The following HIP1R variants were observed in gnomAD, a reference collection of about 807,000 sequenced individuals.
HIP1R encodes huntingtin interacting protein 1 related.
In HIP1R, 135 loss-of-function variants were observed where a neutral mutation model predicts 144.2. The ratio of observed to expected loss-of-function variants is 0.94; its 90% CI spans 0.81 to 1.08. The LOEUF is 1.08. HIP1R is among the 50% of genes least tolerant of loss of function. HIP1R has a pLI of 0.00. For missense variants in HIP1R, 1,462 were observed against 1,432.8 expected (o/e 1.02, Z -0.33); for synonymous variants, 698 against 612.8 (o/e 1.14, Z -2.05).
chr12:122,837,187 T>C (rs1255774574), intron 1 of HIP1R, among the ~76,000 whole-genome samples: 1 of 152,138 alleles, frequency 6.6e-6, no homozygotes, highest in East Asian at 1.9e-4. Context: ...AGATGGGATG[T>C]GAAGGACCAA....
Position 122,856,044 on chromosome 12 carries a change from A to G in HIP1R, c.1193A>G (p.Gln398Arg). 1 of 1,594,712 alleles carries G rather than the reference A, an allele frequency of 6.3e-7. No individual in the cohort carries two copies. Among genetic ancestry groups the G allele is most frequent in the Non-Finnish European group, 8.5e-7 (1 of 1,170,930 alleles). The change falls in exon 14 of 32, where the codon CAG becomes CGG. Residue 398 changes from glutamine to arginine, a missense_variant. Gln to Arg is a conservative substitution (Grantham distance 43, BLOSUM62 1). This residue lies in a region of HIP1R where 1,112 missense variants were observed against 1,011.7 expected (regional missense o/e 1.10). Transcript: ENST00000253083. Reference sequence around the variant, plus strand: ...GCACTGGAGGGTGAGCTGGAGGAGCAGCGGAAGCAGAAGCAGAAGGCCCTG... The same window carrying G: ...GCACTGGAGGGTGAGCTGGAGGAGCGGCGGAAGCAGAAGCAGAAGGCCCTG... ...VNALEGELEE[Q>R]RKQKQKALVD...
chr12:122,859,615 C>G (rs1470822324), intron 23 of HIP1R, 79 bp downstream of exon 23: 2 of 1,357,026 alleles, frequency 1.5e-6, no homozygotes, highest in Non-Finnish European at 2.1e-6. Flanking sequence ...TGGGTACAGG[C>G]TGCACCCACT....
At chr12:122,853,785 TGGA>T (rs1486231557) in intron 7 of HIP1R, 1 of 394,454 alleles carries the variant, frequency 2.5e-6, no homozygotes, top group Non-Finnish European at 4.5e-6. Context: ...GGCTCCCAGG[TGGA>T]GGTCTCTGGA....
rs772777208 is a variant in HIP1R, at chr12:122,861,188, C to T, written c.2948C>T (p.Thr983Ile). Residue 983 changes from threonine (T) to isoleucine (I), a missense_variant, in exon 30 of 32, where the codon ACC (threonine) becomes ATC (isoleucine). Physicochemically the swap from Thr to Ile is moderately conservative, Grantham distance 89. Coordinates refer to ENST00000253083, the MANE Select transcript of HIP1R (RefSeq NM_003959.3). ...AAGCTGAAGAAGCAGGAGATGGAGA[C>T]CCAGGTAGGCGCCCATGGCTGCCCC... ...LIKLKKQEME[T>I]QVRVLELEKT... 104 of 1,553,506 alleles carry T rather than the reference C, an allele frequency of 6.7e-5. No individual in the cohort carries two copies. In the East Asian group the frequency reaches 8.6e-4, roughly 13 times the overall value.
intron 26 of HIP1R, 80 bp from the exon 27 acceptor site, chr12:122,860,343 G>T (rs1593891664): frequency 6.4e-7 from 1 of 1,566,606 alleles, no homozygotes; most frequent in Non-Finnish European, 8.8e-7. Flanking sequence ...AGAGTGAGGG[G>T]GAGAGGGCCC....
chr12:122,839,700 T>C, intron 1 of HIP1R, among the ~76,000 whole-genome samples: 1 of 152,238 alleles, frequency 6.6e-6, no homozygotes, highest in Admixed American at 6.5e-5. Context: ...ACAGGTGCGA[T>C]TAACTGTAAT....
intron 7 of HIP1R, among the ~76,000 whole-genome samples, chr12:122,852,075 G>T (rs1008577061): frequency 6.6e-5 from 10 of 152,242 alleles, no homozygotes; most frequent in African/African-American, 2.4e-4. Context: ...CTGGAGAACT[G>T]ATTGTTCTGG....
chr12:122,853,059 G>A (rs1395483961), intron 7 of HIP1R, among the ~76,000 whole-genome samples: 1 of 152,168 alleles, frequency 6.6e-6, no homozygotes, highest in Non-Finnish European at 1.5e-5. Context: ...CAGGGCACAG[G>A]TCTGTGCAGC....
intron 26 of HIP1R, 55 bp from the exon 27 acceptor site, chr12:122,860,368 C>G (rs2033732387): frequency 6.3e-7 from 1 of 1,596,460 alleles, no homozygotes; most frequent in Admixed American, 1.7e-5. Context: ...GGGCCACTTT[C>G]CACCTTTGGT....
In HIP1R at chr12:122,842,433, G is replaced by A. The variant is rs375886184; in HGVS notation, c.94-5598G>A. 2.0e-4 allele frequency among the ~76,000 whole-genome samples: 30 copies of A among 152,368 alleles called. 1 individual carries two copies. The South Asian group carries it at 4.3e-3, about 22-fold the overall frequency. ...CTGAAGTCGTCCAGTACTTGTCTTT[G>A]AAAGAGCTCTTGTCCTTCGAGTGTT... is the stretch of plus-strand genomic sequence containing the variant. On this transcript the variant is annotated intron_variant, in intron 1 of 31. Coordinates refer to ENST00000253083, the MANE Select transcript of HIP1R (RefSeq NM_003959.3).
rs868638745 is a variant in HIP1R, at chr12:122,840,736, G to C, written c.93+5093G>C. Among the ~76,000 whole-genome samples, 1 of 152,184 alleles carries C rather than the reference G, an allele frequency of 6.6e-6. No individual in the cohort carries two copies. The highest frequency in any genetic ancestry group is 2.4e-5 in the African/African-American group (1 of 41,426). ...AGTGGATCTGCACAGAGGTTGGGGG[G>C]ACTCAGGCAGGTGGGGACAGCCCTT... On this transcript the variant is annotated intron_variant, in intron 1 of 31. Coordinates refer to ENST00000253083, the MANE Select transcript of HIP1R (RefSeq NM_003959.3). The surrounding 1 kb of genome is among the most constrained non-coding windows in gnomAD (Gnocchi z 4.2).
rs189169604 is a variant in HIP1R at position 122,851,020 on chromosome 12, C to T, written c.515+109C>T. Reference sequence around the variant, plus strand: ...ATGGGGCAGTGGGGTTGAATGAGTCCGTGGCTTTGTTGGTTGATGCTCACG... The same window carrying T: ...ATGGGGCAGTGGGGTTGAATGAGTCTGTGGCTTTGTTGGTTGATGCTCACG... On this transcript the variant is annotated intron_variant, in intron 6 of 31. Transcript: ENST00000253083. The T allele has an allele frequency of 4.1e-4, 420 of 1,024,294 alleles. 7 individuals are homozygous for T. The highest frequency in any genetic ancestry group is 3.8e-3 in the East Asian group (143 of 37,832). The allele number at this position is 1,024,294 out of a possible 1,614,324, so 63.5% of individuals were successfully genotyped here. A position where few individuals can be genotyped will look rare whatever the true frequency, so the allele number is the denominator to read the frequency against.
rs376281093 is a variant in HIP1R at position 122,856,272 on chromosome 12, G to A, written c.1329G>A (p.Thr443=). ...CGCCCCCAGGGAAGGCCAGTGCCAC[G>A]GAGGCGCGCTACAACAAGCTGAAGG... The part of the protein sequence containing the change: ...REEAERKASA[T]EARYNKLKEK... Residue 443 remains threonine (T), a synonymous_variant, in exon 15 of 32, where the codon ACG becomes ACA. Coordinates refer to ENST00000253083, the MANE Select transcript of HIP1R (RefSeq NM_003959.3). The A allele has an allele frequency of 6.8e-6, 11 of 1,613,784 alleles. No individual in the cohort carries two copies. Among genetic ancestry groups the A allele is most frequent in the East Asian group, 2.2e-5 (1 of 44,862 alleles).
Position 122,848,834 on chromosome 12 carries a change from G to A in HIP1R, c.339G>A (p.Arg113=). The part of the protein sequence containing the change: ...HDCQRYRSNI[R]EIGDLWGHLH... Reference sequence around the variant, plus strand: ...GCCAGCGGTACCGCAGCAACATCCGGGAGATTGGAGACCTGTGGGTAGGTC... The same window carrying A: ...GCCAGCGGTACCGCAGCAACATCCGAGAGATTGGAGACCTGTGGGTAGGTC... Residue 113 remains arginine, a synonymous_variant, in exon 4 of 32, where the codon CGG becomes CGA. Transcript: ENST00000253083. 6.2e-7 allele frequency: 1 copy of A among 1,613,292 alleles called. No homozygotes were observed. Among genetic ancestry groups the A allele is most frequent in the Non-Finnish European group, 8.5e-7 (1 of 1,179,998 alleles).
chr12:122,855,518 G>GGT (rs1654211096), intron 11 of HIP1R, 33 bp from the exon 12 acceptor site: 1 of 1,549,260 alleles, frequency 6.5e-7, no homozygotes, highest in Admixed American at 2.0e-5. Context: ...GGAGGGCACA[G>GGT]GTGAGTGGGG....
rs867653929 is a variant in HIP1R, at chr12:122,858,199, C to T, written c.1913C>T (p.Ala638Val). 6.2e-7 allele frequency: 1 copy of T among 1,607,848 alleles called. No individual in the cohort carries two copies. The highest frequency in any genetic ancestry group is 1.7e-5 in the Admixed American group (1 of 59,794). ...GAGGCCGCGGGCATCCTGCAGGATG[C>T]CGTGAGCAAGCTGGACGACCCCCTG... ...AAEAAGILQD[A>V]VSKLDDPLHL... The change falls in exon 19 of 32, where the codon GCC becomes GTC. Residue 638 changes from alanine to valine, a missense_variant. Physicochemically the swap from Ala to Val is moderately conservative, Grantham distance 64. Coordinates refer to ENST00000253083, the MANE Select transcript of HIP1R (RefSeq NM_003959.3).
Position 122,850,832 on chromosome 12 carries a change from C to T in HIP1R, c.439-3C>T. The T allele has an allele frequency of 6.2e-7, 1 of 1,607,958 alleles. No homozygotes were observed. On this transcript the variant is annotated splice_polypyrimidine_tract_variant and splice_region_variant and intron_variant, in intron 5 of 31. Transcript: ENST00000253083. The stretch of plus-strand genomic sequence containing the variant: ...GGCCGCTGGGTGGGGGTTCTCTCCA[C>T]AGCATCCCCAGTTTCCCGCGGGCCT...
In HIP1R at chr12:122,859,104, G is replaced by A. The variant is rs1423523909; in HGVS notation, c.2202G>A (p.Glu734=). 3 of 1,600,932 alleles carry A rather than the reference G, an allele frequency of 1.9e-6. No homozygotes were observed. The Admixed American group carries it at 5.2e-5, about 28-fold the overall frequency. ...GGGAGTGCGGGGCCCGGGCTCTGGAGCTCATGGGGCAGCTGCAGGACCAGC... is the reference window on the plus strand; with the variant it reads ...GGGAGTGCGGGGCCCGGGCTCTGGAACTCATGGGGCAGCTGCAGGACCAGC... The part of the protein sequence containing the change: ...TCRECGARAL[E]LMGQLQDQQA... The change falls in exon 22 of 32, where the codon GAG becomes GAA. Residue 734 remains glutamate (E), a synonymous_variant. Coordinates refer to ENST00000253083, the MANE Select transcript of HIP1R (RefSeq NM_003959.3).
Position 122,856,488 on chromosome 12 carries a change from G to A in HIP1R, c.1458G>A (p.Ala486=), listed in dbSNP as rs376969064. Reference sequence around the variant, plus strand: ...CGCAGCAAAGCCAGGAGGAGGTGGCGCGGGTGAAGGAGCAGCTGGCCTTCC... The same window carrying A: ...CGCAGCAAAGCCAGGAGGAGGTGGCACGGGTGAAGGAGCAGCTGGCCTTCC... ...TVTQQSQEEV[A]RVKEQLAFQV... Residue 486 remains alanine (A), a synonymous_variant, in exon 16 of 32, where the codon GCG becomes GCA. Coordinates refer to ENST00000253083, the MANE Select transcript of HIP1R (RefSeq NM_003959.3). 44 of 1,591,086 alleles carry A rather than the reference G, an allele frequency of 2.8e-5. No homozygotes were observed. The African/African-American group carries it at 3.6e-4, about 13-fold the overall frequency.
Sources: gnomAD v4.1 joint callset for allele counts (sites outside exome capture counted in the v4.1 genomes callset) on GRCh38, gnomAD v4.1.1 for gene constraint, gnomAD v4.1.1 regional missense constraint, Gnocchi (gnomAD v3.1) non-coding constraint, MANE v1.5 for transcripts, NCBI Gene and HGNC (gene_info 2026-07-23, HGNC 2026-07-21) for gene names.